Variants in WWOX observed in about 807,000 individuals in gnomAD.
WWOX encodes the protein WW domain containing oxidoreductase.
Under a neutral mutation model 46.2 loss-of-function variants are expected in WWOX, and 69 were observed. The observed-to-expected ratio is 1.49, with a 90% CI of 1.23 to 1.82. WWOX has a LOEUF of 1.82. WWOX is among the 40% of genes most tolerant of loss of function. The pLI, the probability that WWOX is intolerant of heterozygous loss-of-function variation, is 0.00. For synonymous variants in WWOX, 359 were observed against 202.6 expected (o/e 1.77, Z -6.56); for missense variants, 919 against 542.6 (o/e 1.69, Z -6.89).
At chr16:78,819,488 G>A (rs903408087) in intron 8 of WWOX, among the ~76,000 whole-genome samples, 1 of 152,148 alleles carries the variant, frequency 6.6e-6, no homozygotes, top group African/African-American at 2.4e-5. Flanking sequence ...AGAAATTTCT[G>A]CATAATCCAC....
intron 8 of WWOX, among the ~76,000 whole-genome samples, chr16:79,025,018 C>T (rs960085170): frequency 1.3e-5 from 2 of 152,188 alleles, no homozygotes; most frequent in Admixed American, 6.5e-5. Context: ...GAAGCACCGC[C>T]AGGCCCAGTT....
intron 7 of WWOX, among the ~76,000 whole-genome samples, chr16:78,431,028 A>G (rs1249544715): frequency 2.6e-5 from 4 of 152,328 alleles, no homozygotes; most frequent in Non-Finnish European, 5.9e-5. Context: ...GAATGAACTT[A>G]TAGAAGCAGA....
At chr16:78,474,948 A>G (rs2084319727) in intron 8 of WWOX, among the ~76,000 whole-genome samples, 2 of 152,180 alleles carry the variant, frequency 1.3e-5, no homozygotes, top group Non-Finnish European at 2.9e-5. Flanking sequence ...AAATGAGTAA[A>G]CATATGTACA....
At chr16:78,876,780 G>T (rs983038606) in intron 8 of WWOX, among the ~76,000 whole-genome samples, 2 of 152,036 alleles carry the variant, frequency 1.3e-5, no homozygotes, top group African/African-American at 4.8e-5. Context: ...AAAGGAAAAT[G>T]CCTTAAACAC....
intron 6 of WWOX, among the ~76,000 whole-genome samples, chr16:78,400,307 T>C (rs2082381590): frequency 6.6e-6 from 1 of 152,158 alleles, no homozygotes; most frequent in East Asian, 1.9e-4. Flanking sequence ...AAATGGGTCT[T>C]AATGGAATGC....
chr16:79,026,920 C>T (rs939531613), intron 8 of WWOX, among the ~76,000 whole-genome samples: 4 of 151,048 alleles, frequency 2.6e-5, no homozygotes, highest in South Asian at 2.1e-4. Flanking sequence ...TGAGCCACCA[C>T]GCCTGGGCGG....
intron 8 of WWOX, among the ~76,000 whole-genome samples, chr16:79,071,272 A>G (rs1299142275): frequency 6.6e-6 from 1 of 152,166 alleles, no homozygotes; most frequent in Non-Finnish European, 1.5e-5. Flanking sequence ...TACATTTTTG[A>G]CAACCTGACA....
rs2081825713 is a variant in WWOX, at chr16:78,376,355, T to C, written c.517-10505T>C. 2.6e-5 allele frequency among the ~76,000 whole-genome samples: 4 copies of C among 152,120 alleles called. No individual in the cohort carries two copies. The South Asian group carries it at 6.2e-4, about 24-fold the overall frequency. On this transcript the variant is annotated intron_variant, in intron 5 of 8. Coordinates refer to ENST00000566780, the MANE Select transcript of WWOX (RefSeq NM_016373.4). ...TACAATACTATGTTTTTAGGAAAAG[T>C]TGCACGATGTTTTTACATGGGTAGA...
chr16:78,334,522 AT>A (rs1289576717), intron 5 of WWOX, among the ~76,000 whole-genome samples: 1 of 152,000 alleles, frequency 6.6e-6, no homozygotes, highest in Non-Finnish European at 1.5e-5. Flanking sequence ...GAAATGGGGT[AT>A]TTTTTAATGC....
chr16:78,717,141 T>A (rs150765968), intron 8 of WWOX, among the ~76,000 whole-genome samples: 3 of 152,188 alleles, frequency 2.0e-5, no homozygotes, highest in South Asian at 2.1e-4. Context: ...ACAGAGGTGC[T>A]CTGTGTAAAT....
chr16:78,589,475 C>G (rs892771843), intron 8 of WWOX, among the ~76,000 whole-genome samples: 11 of 152,144 alleles, frequency 7.2e-5, no homozygotes, highest in Non-Finnish European at 2.9e-5. Flanking sequence ...TTCTGTCCTG[C>G]CACTCTTTTC....
At chr16:78,912,118 C>G (rs538872241) in intron 8 of WWOX, among the ~76,000 whole-genome samples, 1 of 151,270 alleles carries the variant, frequency 6.6e-6, no homozygotes, top group African/African-American at 2.4e-5. Context: ...CTCTGAGCCT[C>G]AACTTCCTCA....
intron 8 of WWOX, among the ~76,000 whole-genome samples, chr16:78,826,354 C>G (rs150278501): frequency 6.6e-6 from 1 of 152,204 alleles, no homozygotes; most frequent in Non-Finnish European, 1.5e-5. Context: ...CTCAAAACAA[C>G]AGCAACAGAA....
At chr16:78,390,802 C>G (rs747828690) in intron 6 of WWOX, among the ~76,000 whole-genome samples, 1 of 152,140 alleles carries the variant, frequency 6.6e-6, no homozygotes, top group Non-Finnish European at 1.5e-5. Context: ...AACATAATGA[C>G]AAATGAAAGA....
intron 8 of WWOX, among the ~76,000 whole-genome samples, chr16:78,924,383 C>G (rs898442335): frequency 2.6e-4 from 39 of 152,156 alleles, no homozygotes; most frequent in African/African-American, 9.4e-4. Flanking sequence ...AAAAATGGAA[C>G]TTGTCTATCC....
At chr16:78,358,611 T>A (rs2081345572) in intron 5 of WWOX, among the ~76,000 whole-genome samples, 1 of 152,132 alleles carries the variant, frequency 6.6e-6, no homozygotes, top group South Asian at 2.1e-4. Flanking sequence ...TGAGCCGAGA[T>A]AGTTCTACTG....
chr16:78,279,226 G>C (rs975937199), intron 5 of WWOX, among the ~76,000 whole-genome samples: 4 of 152,178 alleles, frequency 2.6e-5, no homozygotes, highest in African/African-American at 9.7e-5. Flanking sequence ...GAGAGATTGT[G>C]TTGTTTTAAA....
At chr16:78,936,291 A>G (rs2045735694) in intron 8 of WWOX, among the ~76,000 whole-genome samples, 1 of 152,140 alleles carries the variant, frequency 6.6e-6, no homozygotes, top group South Asian at 2.1e-4. Context: ...AGAGCTTAAG[A>G]TGGCTGCGTC....
At chr16:78,545,340 G>A (rs141909266) in intron 8 of WWOX, among the ~76,000 whole-genome samples, 6 of 152,210 alleles carry the variant, frequency 3.9e-5, no homozygotes, top group South Asian at 2.1e-4. Context: ...CCTGCTCCTC[G>A]TGGGATATAT....
Sources: gnomAD v4.1 joint callset for allele counts (sites outside exome capture counted in the v4.1 genomes callset) on GRCh38, gnomAD v4.1.1 for gene constraint, MANE v1.5 for transcripts, NCBI Gene and HGNC (gene_info 2026-07-23, HGNC 2026-07-21) for gene names.